The following ATF3 variants were observed in gnomAD, a reference collection of about 807,000 sequenced individuals.
The protein encoded by ATF3 is activating transcription factor 3.
Under a neutral mutation model 18.4 loss-of-function variants are expected in ATF3, and 10 were observed. The observed-to-expected ratio is 0.54, with a 90% CI of 0.34 to 0.92. ATF3 has a LOEUF of 0.92. Among genes scored for constraint, ATF3 ranks in the 40% least tolerant of loss-of-function variants. The pLI, the probability that ATF3 is intolerant of heterozygous loss-of-function variation, is 0.02. For synonymous variants in ATF3, 78 were observed against 87.9 expected, an observed-to-expected ratio of 0.89 and a Z score of 0.63; for missense variants, 183 against 222.3, an observed-to-expected ratio of 0.82 and a Z score of 1.12.
In ATF3 at chr1:212,618,220, G is replaced by A; in HGVS notation, c.334G>A (p.Glu112Lys). 1 of 1,614,074 alleles carries A rather than the reference G, an allele frequency of 6.2e-7. No individual in the cohort carries two copies. The highest frequency in any genetic ancestry group is 8.5e-7 in the Non-Finnish European group (1 of 1,179,950). ...CCGAAACAAGAAGAAGGAGAAGACG[G>A]AGTGCCTGCAGAAAGTGAGTGCCTT... The part of the protein sequence containing the change: ...KCRNKKKEKT[E>K]CLQKESEKLE... The change falls in exon 3 of 4, where the codon GAG becomes AAG. Residue 112 changes from glutamate to lysine, a missense_variant. By Grantham distance (56) the Glu-to-Lys change is moderately conservative (BLOSUM62 1). Coordinates refer to ENST00000341491, the MANE Select transcript of ATF3 (RefSeq NM_001674.4). The surrounding 1 kb of genome is among the most constrained non-coding windows in gnomAD (Gnocchi z 4.4).
chr1:212,567,034 A>T (rs1664394644), intron 1 of ATF3, among the ~76,000 whole-genome samples: 2 of 151,952 alleles, frequency 1.3e-5, no homozygotes, highest in Non-Finnish European at 2.9e-5. Context: ...ATTTTACTTA[A>T]CTCTTCCTTT....
chr1:212,584,826 T>C (rs1043437392), intron 1 of ATF3, among the ~76,000 whole-genome samples: 10 of 151,958 alleles, frequency 6.6e-5, no homozygotes, highest in African/African-American at 2.2e-4. Flanking sequence ...TCACCTGGAG[T>C]CTCTCCAAGT....
At chr1:212,605,238 T>G (rs1224705960), upstream of ATF3, among the ~76,000 whole-genome samples, 1 of 152,246 alleles carries the variant, frequency 6.6e-6, no homozygotes, top group African/African-American at 2.4e-5. Flanking sequence ...AGCATCTAAG[T>G]GCTGAATCCA....
At chr1:212,568,843 G>A (rs187879414) in intron 1 of ATF3, among the ~76,000 whole-genome samples, 20 of 152,202 alleles carry the variant, frequency 1.3e-4, no homozygotes, top group Admixed American at 5.9e-4. Flanking sequence ...CAACTCCGTC[G>A]TTACTGTAGG....
chr1:212,593,297 G>C (rs1272919138), intron 1 of ATF3, among the ~76,000 whole-genome samples: 1 of 133,624 alleles, frequency 7.5e-6, no homozygotes. Context: ...TTGTGGGGTG[G>C]GGGGAGGGGG....
At chr1:212,581,950 C>G (rs1664692291) in intron 1 of ATF3, among the ~76,000 whole-genome samples, 1 of 152,080 alleles carries the variant, frequency 6.6e-6, no homozygotes, top group Admixed American at 6.6e-5. Flanking sequence ...ATAAAAAAAG[C>G]AATTCATAAC....
At chr1:212,588,535 C>T (rs759103451) in intron 1 of ATF3, among the ~76,000 whole-genome samples, 3 of 152,000 alleles carry the variant, frequency 2.0e-5, no homozygotes, top group Non-Finnish European at 4.4e-5. Context: ...AGGACAGTTA[C>T]TCTCTTTTTA....
In ATF3 at chr1:212,618,750, C is replaced by T; in HGVS notation, c.348+516C>T. On this transcript the variant is annotated intron_variant, in intron 3 of 3. Coordinates refer to ENST00000341491, the MANE Select transcript of ATF3 (RefSeq NM_001674.4). The surrounding 1 kb of genome is among the most constrained non-coding windows in gnomAD (Gnocchi z 4.4). ...AAGCTGAGCCCCTGGCTGCGTTCAGCCGGCCCGCCTGAGAGACACTAGGGG... is the reference window on the plus strand; with the variant it reads ...AAGCTGAGCCCCTGGCTGCGTTCAGTCGGCCCGCCTGAGAGACACTAGGGG... 1 of 504,666 alleles carries T rather than the reference C, an allele frequency of 2.0e-6. No individual in the cohort carries two copies. Among genetic ancestry groups the T allele is most frequent in the Non-Finnish European group, 3.6e-6 (1 of 278,366 alleles). 31.3% of individuals were successfully genotyped at this position (504,666 alleles called of 1,614,324 possible). A position where few individuals can be genotyped will look rare whatever the true frequency, so the allele number is the denominator to read the frequency against.
intron 1 of ATF3, among the ~76,000 whole-genome samples, chr1:212,585,880 T>C (rs1321076529): frequency 6.6e-6 from 1 of 152,152 alleles, no homozygotes; most frequent in Non-Finnish European, 1.5e-5. Context: ...GTTGTTGCTC[T>C]TTGTCCACAG....
chr1:212,602,585 C>T (rs531716516), intron 1 of ATF3, among the ~76,000 whole-genome samples: 4 of 152,288 alleles, frequency 2.6e-5, no homozygotes, highest in African/African-American at 9.6e-5. Flanking sequence ...TCCTGCTCTA[C>T]TGCTCACTAG....
intron 1 of ATF3, among the ~76,000 whole-genome samples, chr1:212,571,784 C>T (rs1438432614): frequency 6.7e-5 from 10 of 148,990 alleles, no homozygotes; most frequent in Admixed American, 2.7e-4. Context: ...CAATCTCGGC[C>T]CACTGCAAGC....
intron 1 of ATF3, among the ~76,000 whole-genome samples, chr1:212,585,185 G>A (rs186016378): frequency 2.6e-5 from 4 of 152,346 alleles, no homozygotes; most frequent in Admixed American, 2.0e-4. Flanking sequence ...GAGCTGGGGG[G>A]TGAAAGGTGA....
At chr1:212,607,322 C>T (rs1055183314), upstream of ATF3, among the ~76,000 whole-genome samples, 1 of 152,232 alleles carries the variant, frequency 6.6e-6, no homozygotes, top group African/African-American at 2.4e-5. Flanking sequence ...ACCGTGCCCC[C>T]ACACCCTGCG....
intron 1 of ATF3, among the ~76,000 whole-genome samples, chr1:212,610,361 T>C (rs915685925): frequency 3.3e-5 from 5 of 152,238 alleles, no homozygotes; most frequent in Non-Finnish European, 5.9e-5. Flanking sequence ...GAAGTTTCTG[T>C]CTCTGTAACT....
chr1:212,616,074 TA>T (rs1304288281), intron 2 of ATF3, among the ~76,000 whole-genome samples: 1 of 151,728 alleles, frequency 6.6e-6, no homozygotes, highest in African/African-American at 2.4e-5. Flanking sequence ...GGGTATCTGG[TA>T]AAAGAAATTA....
intron 1 of ATF3, among the ~76,000 whole-genome samples, chr1:212,587,063 T>C (rs1664793044): frequency 6.6e-6 from 1 of 152,336 alleles, no homozygotes; most frequent in South Asian, 2.1e-4. Flanking sequence ...TTTTGCTTTT[T>C]TCTCTTAAAG....
At chr1:212,612,403 C>T (rs1033331982) in intron 1 of ATF3, among the ~76,000 whole-genome samples, 1 of 152,142 alleles carries the variant, frequency 6.6e-6, no homozygotes, top group African/African-American at 2.4e-5. Flanking sequence ...AATTCAAAGT[C>T]CCCGTGTAGA....
chr1:212,597,854 T>C (rs1285113839), intron 1 of ATF3, among the ~76,000 whole-genome samples: 1 of 152,194 alleles, frequency 6.6e-6, no homozygotes, highest in East Asian at 1.9e-4. Context: ...GAAGATTAAT[T>C]CATCATTCCA....
At chr1:212,600,378 C>T (rs80037120) in intron 1 of ATF3, among the ~76,000 whole-genome samples, 13,619 of 152,322 alleles carry the variant, frequency 0.089, 695 homozygotes, top group Middle Eastern at 0.17. Flanking sequence ...AACGTCTCCT[C>T]CCTTCCACAA....
Sources: gnomAD v4.1 joint callset for allele counts (sites outside exome capture counted in the v4.1 genomes callset) on GRCh38, gnomAD v4.1.1 for gene constraint, Gnocchi (gnomAD v3.1) non-coding constraint, MANE v1.5 for transcripts, NCBI Gene and HGNC (gene_info 2026-07-23, HGNC 2026-07-21) for gene names.